MYOM2: variants seen among roughly 807,000 people sequenced by gnomAD.
MYOM2 encodes the protein myomesin 2, also known as myomesin-2.
In MYOM2, 254 loss-of-function variants were observed where a neutral mutation model predicts 187.6. The ratio of observed to expected loss-of-function variants is 1.35; its 90% CI spans 1.22 to 1.50. The LOEUF is 1.50. Ranked by LOEUF, MYOM2 falls within the 40% of genes most tolerant of loss-of-function variation. The pLI is 0.00. For synonymous variants in MYOM2, 981 were observed against 753.8 expected (o/e 1.30, Z -4.94); for missense variants, 2,796 against 1,924.0 (o/e 1.45, Z -8.48).
intron 8 of MYOM2, among the ~76,000 whole-genome samples, 178 bp downstream of exon 8, chr8:2,069,675 G>A (rs1486430251): frequency 6.6e-6 from 1 of 151,732 alleles, no homozygotes; most frequent in Admixed American, 6.6e-5. Flanking sequence ...TCCGCCTCCC[G>A]GGTTCACACC....
At chr8:2,139,078 G>C (rs1798184099) in intron 32 of MYOM2, among the ~76,000 whole-genome samples, 1 of 144,534 alleles carries the variant, frequency 6.9e-6, no homozygotes, top group Non-Finnish European at 1.5e-5. Context: ...ACCACCACCA[G>C]AGACCCGACA....
At chr8:2,092,289 C>T in intron 15 of MYOM2, 57 bp from the exon 16 acceptor site, 1 of 1,572,014 alleles carries the variant, frequency 6.4e-7, no homozygotes, top group Non-Finnish European at 8.7e-7. Context: ...AAGATCTCTG[C>T]TGTAGCTTCC....
At chr8:2,093,738 A>T (rs1796385001) in intron 16 of MYOM2, among the ~76,000 whole-genome samples, 1 of 152,244 alleles carries the variant, frequency 6.6e-6, no homozygotes, top group Admixed American at 6.5e-5. Context: ...GCAAAGGTGA[A>T]CTCACAGAAC....
At chr8:2,133,266 C>G (rs768893637) in intron 32 of MYOM2, among the ~76,000 whole-genome samples, 1 of 152,220 alleles carries the variant, frequency 6.6e-6, no homozygotes, top group Non-Finnish European at 1.5e-5. Flanking sequence ...AGCCTAGAAG[C>G]AAATATTTCC....
chr8:2,122,789 T>C (rs1797501012), intron 28 of MYOM2, among the ~76,000 whole-genome samples: 1 of 152,236 alleles, frequency 6.6e-6, no homozygotes, highest in African/African-American at 2.4e-5. Context: ...TCACCTCTAG[T>C]GAGCATTTTT....
Position 2,140,867 on chromosome 8 carries a change from C to T in MYOM2, c.3945C>T (p.Ser1315=). The T allele has an allele frequency of 6.2e-7, 1 of 1,613,712 alleles. No individual in the cohort carries two copies. Among genetic ancestry groups the T allele is most frequent in the Non-Finnish European group, 8.5e-7 (1 of 1,179,748 alleles). The part of the protein sequence containing the change: ...IFDGKDNHQR[S]LDLSGQAFDE... The stretch of plus-strand genomic sequence containing the variant: ...ATGGCAAAGACAACCATCAACGCTC[C>T]CTTGACCTGTCCGGACAAGGTAAGA... Residue 1315 remains serine (S), a synonymous_variant, in exon 33 of 37, where the codon TCC becomes TCT. Coordinates refer to ENST00000262113, the MANE Select transcript of MYOM2 (RefSeq NM_003970.4).
chr8:2,107,187 T>G lies in MYOM2; in HGVS notation c.2998+590T>G, dbSNP rs184267668. 7.5e-3 allele frequency among the ~76,000 whole-genome samples: 1,145 copies of G among 152,176 alleles called. 10 individuals are homozygous for G. Among genetic ancestry groups the G allele is most frequent in the African/African-American group, 0.027 (1,115 of 41,512 alleles). ...GCAGGCAGGGCTGATTTTTTTAAACTGCCTAGCATCACGTGTATTTGTGTG... is the reference window on the plus strand; with the variant it reads ...GCAGGCAGGGCTGATTTTTTTAAACGGCCTAGCATCACGTGTATTTGTGTG... On this transcript the variant is annotated intron_variant, in intron 23 of 36. Coordinates refer to ENST00000262113, the MANE Select transcript of MYOM2 (RefSeq NM_003970.4).
At chr8:2,064,415 G>A (rs957387194) in intron 6 of MYOM2, among the ~76,000 whole-genome samples, 4 of 152,328 alleles carry the variant, frequency 2.6e-5, no homozygotes, top group East Asian at 1.9e-4. Context: ...GCTCCTTAGC[G>A]GGGCGCCTCC....
At chr8:2,078,358 G>C (rs1216242757) in intron 11 of MYOM2, among the ~76,000 whole-genome samples, 1 of 152,208 alleles carries the variant, frequency 6.6e-6, no homozygotes, top group South Asian at 2.1e-4. Context: ...CCAAGCCGCA[G>C]CTTAGGGGTG....
intron 17 of MYOM2, 32 bp downstream of exon 17, chr8:2,094,123 TG>T (rs1401838689): frequency 7.4e-6 from 12 of 1,613,302 alleles, no homozygotes; most frequent in African/African-American, 1.3e-5. Flanking sequence ...GTGTGCCGAT[TG>T]CTCCCATACA....
intron 8 of MYOM2, among the ~76,000 whole-genome samples, chr8:2,071,919 C>A (rs1386328245): frequency 1.3e-5 from 2 of 152,180 alleles, no homozygotes; most frequent in Non-Finnish European, 2.9e-5. Context: ...TGGGGTCCCA[C>A]TCTCACGATC....
chr8:2,116,160 TTGACTGGAGA>T, intron 26 of MYOM2, 46 bp from the exon 27 acceptor site: 1 of 1,602,506 alleles, frequency 6.2e-7, no homozygotes, highest in Non-Finnish European at 8.5e-7. Context: ...TGAAATTCTT[TTGACTGGAGA>T]GAAGCAAACA....
At chr8:2,100,773 G>T (rs369566501) in intron 19 of MYOM2, 103 bp from the exon 20 acceptor site, 44 of 1,100,132 alleles carry the variant, frequency 4.0e-5, no homozygotes, top group South Asian at 1.2e-4. Flanking sequence ...TGGTCCTGGT[G>T]GGGGGCTTCC....
intron 15 of MYOM2, 21 bp downstream of exon 15, chr8:2,090,212 G>A: frequency 6.2e-7 from 1 of 1,604,860 alleles, no homozygotes. Context: ...ACACTGGGTG[G>A]CCCCAAGTCA....
chr8:2,048,394 A>T (rs887344172), intron 1 of MYOM2, among the ~76,000 whole-genome samples: 5 of 152,272 alleles, frequency 3.3e-5, no homozygotes, highest in African/African-American at 9.6e-5. Flanking sequence ...CGTTTCTTGA[A>T]GATCCACCTT....
chr8:2,053,993 CT>C (rs1818574721), intron 3 of MYOM2, among the ~76,000 whole-genome samples: 2 of 152,166 alleles, frequency 1.3e-5, no homozygotes, highest in African/African-American at 4.8e-5. Flanking sequence ...GTGAAGCCTG[CT>C]CTATCACCGT....
At chr8:2,056,342 C>T (rs1003138499) in intron 3 of MYOM2, among the ~76,000 whole-genome samples, 16 of 152,204 alleles carry the variant, frequency 1.1e-4, no homozygotes, top group Admixed American at 7.2e-4. Context: ...GAACAGCGAG[C>T]GTCCTAATTT....
At chr8:2,136,655 G>A (rs1488769201) in intron 32 of MYOM2, among the ~76,000 whole-genome samples, 1 of 152,164 alleles carries the variant, frequency 6.6e-6, no homozygotes, top group Admixed American at 6.5e-5. Flanking sequence ...CTCCACTGCT[G>A]CCCAGCCGGT....
In MYOM2 at chr8:2,140,816, A is replaced by AG. The variant is rs762370791; in HGVS notation, c.3896dup (p.Tyr1301IlefsTer4). 4.3e-6 allele frequency: 7 copies of AG among 1,614,030 alleles called. No homozygotes were observed. The Admixed American group carries it at 1.2e-4, about 27-fold the overall frequency. On this transcript the variant is annotated frameshift_variant, in exon 33 of 37. Transcript: ENST00000262113. LOFTEE classifies it high-confidence loss of function. ...TATGTGAGCCGACTGAGAAGGATAA[A>AG]GGAAAATACACTTTTGAGATTTTCG...
Sources: gnomAD v4.1 joint callset for allele counts (sites outside exome capture counted in the v4.1 genomes callset) on GRCh38, gnomAD v4.1.1 for gene constraint, MANE v1.5 for transcripts, NCBI Gene and HGNC (gene_info 2026-07-23, HGNC 2026-07-21) for gene names.